CELF2: variants seen among roughly 807,000 people sequenced by gnomAD.
CELF2 encodes the protein CUG triplet repeat RNA-binding protein 2.
Under a neutral mutation model 62.6 loss-of-function variants are expected in CELF2, and 8 were observed. The ratio of observed to expected loss-of-function variants is 0.13; its 90% CI spans 0.07 to 0.23. CELF2 has a LOEUF of 0.23. Ranked by LOEUF, CELF2 falls within the 10% of genes least tolerant of loss-of-function variation. The probability of loss-of-function intolerance (pLI) is 1.00; values close to 1 mark genes in which losing one functional copy is unlikely to be tolerated. For missense variants in CELF2, 333 were observed against 671.0 expected (o/e 0.50, Z 5.56); for synonymous variants, 258 against 250.0 (o/e 1.03, Z -0.30).
chr10:11,033,767 A>G (rs2060517590), intron 1 of CELF2, among the ~76,000 whole-genome samples: 1 of 152,216 alleles, frequency 6.6e-6, no homozygotes, highest in Non-Finnish European at 1.5e-5. Context: ...TAGTGTTGTA[A>G]ATACAGTGTG....
rs2056146466 is a variant in CELF2 at position 11,010,005 on chromosome 10, A to G, written c.53+4565A>G. ...CTAGCCTGGGCACAGTTGTGCCTTT[A>G]TGCGGAAATTGATGAGTTGCTTTTC... On this transcript the variant is annotated intron_variant, in intron 1 of 12. Coordinates refer to the CELF2 transcript ENST00000416382. This position sits in a 1 kb window ranked among gnomAD's most constrained non-coding sequence, Gnocchi z 4.1. 6.6e-6 allele frequency among the ~76,000 whole-genome samples: 1 copy of G among 152,164 alleles called. No individual in the cohort carries two copies. Among genetic ancestry groups the G allele is most frequent in the Admixed American group, 6.5e-5 (1 of 15,282 alleles).
the CELF2 span, among the ~76,000 whole-genome samples, chr10:10,524,641 C>A: frequency 6.6e-6 from 1 of 151,924 alleles, no homozygotes; most frequent in Non-Finnish European, 1.5e-5. Flanking sequence ...CTCTCCAATA[C>A]CTTCAAGAAT....
chr10:10,506,269 C>CGTGT, the CELF2 span, among the ~76,000 whole-genome samples: 36,708 of 146,544 alleles, frequency 0.25, 5,125 homozygotes, highest in Non-Finnish European at 0.33. Flanking sequence ...AGATGCACTT[C>CGTGT]GTGTGTGTGT....
At chr10:11,194,689 A>T (rs144250766) in intron 2 of CELF2, among the ~76,000 whole-genome samples, 1 of 152,200 alleles carries the variant, frequency 6.6e-6, no homozygotes, top group Admixed American at 6.5e-5. Context: ...ATATTCGGCT[A>T]TTTTACTGTG....
At chr10:10,857,649 G>GTTTATATATATATATATATATATA (rs1554855649) in intron 1 of CELF2, among the ~76,000 whole-genome samples, 5 of 94,258 alleles carry the variant, frequency 5.3e-5, no homozygotes, top group African/African-American at 1.9e-4. Flanking sequence ...CATATATATA[G>GTTTATATATATATATATATATATA]TATATATATA....
intron 9 of CELF2, among the ~76,000 whole-genome samples, chr10:11,310,726 C>T (rs564647580): frequency 1.6e-4 from 24 of 151,826 alleles, no homozygotes; most frequent in African/African-American, 5.3e-4. Flanking sequence ...AGACTGGCAT[C>T]GGATGCAGTC....
chr10:10,604,097 C>G, the CELF2 span, among the ~76,000 whole-genome samples: 1 of 152,104 alleles, frequency 6.6e-6, no homozygotes, highest in Non-Finnish European at 1.5e-5. Context: ...GTAGTCCCCA[C>G]TACTAGGGAG....
chr10:11,038,752 G>T (rs988951823), intron 1 of CELF2, among the ~76,000 whole-genome samples: 2 of 152,152 alleles, frequency 1.3e-5, no homozygotes, highest in Admixed American at 1.3e-4. Flanking sequence ...TTTAAATGGT[G>T]CTCTAACATT....
At chr10:10,522,295 A>C in the CELF2 span, among the ~76,000 whole-genome samples, 1 of 152,188 alleles carries the variant, frequency 6.6e-6, no homozygotes, top group Non-Finnish European at 1.5e-5. Flanking sequence ...CCATTCATCC[A>C]ACCAACATTA....
At chr10:10,767,598 G>C in the CELF2 span, among the ~76,000 whole-genome samples, 1 of 152,186 alleles carries the variant, frequency 6.6e-6, no homozygotes, top group Non-Finnish European at 1.5e-5. Context: ...ACCAATGCTT[G>C]GTATGCAGTG....
At position 11,328,585 on chromosome 10, in the gene CELF2, GGA is replaced by G. The variant is rs372947720; in HGVS notation, c.1439-336_1439-335del. Among the ~76,000 whole-genome samples the G allele has an allele frequency of 1.8e-3, 281 of 152,334 alleles. No homozygotes were observed. Among genetic ancestry groups the G allele is most frequent in the African/African-American group, 6.5e-3 (269 of 41,574 alleles). On this transcript the variant is annotated intron_variant, in intron 12 of 12. Coordinates refer to ENST00000633077, the MANE Select transcript of CELF2 (RefSeq NM_001326342.2). The surrounding 1 kb of genome is among the most constrained non-coding windows in gnomAD (Gnocchi z 6.4). ...GCATGTATGGACCTGGGGTTCTTTT[GGA>G]GAGATACTAAAGGACTTGAAACACA...
the CELF2 span, among the ~76,000 whole-genome samples, chr10:10,576,532 G>A: frequency 1.3e-5 from 2 of 152,094 alleles, no homozygotes; most frequent in East Asian, 1.9e-4. Context: ...TTAAGAACCC[G>A]ATGGTACCAC....
chr10:11,181,188 C>T (rs138167818), intron 2 of CELF2, among the ~76,000 whole-genome samples: 7 of 152,070 alleles, frequency 4.6e-5, no homozygotes, highest in African/African-American at 1.4e-4. Flanking sequence ...GAATTTAAAC[C>T]TAAATATTTT....
chr10:11,299,463 C>A (rs1174228177), intron 9 of CELF2, among the ~76,000 whole-genome samples: 2 of 152,100 alleles, frequency 1.3e-5, no homozygotes, highest in African/African-American at 4.8e-5. Flanking sequence ...GCCCCCCAAC[C>A]CCCCCCAGGA....
intron 2 of CELF2, among the ~76,000 whole-genome samples, chr10:10,955,472 G>A (rs765859542): frequency 1.3e-5 from 2 of 152,214 alleles, no homozygotes; most frequent in African/African-American, 2.4e-5. Context: ...CTCCTTGAGT[G>A]AGCCCGAAAC....
At chr10:10,964,654 T>C (rs182520820) in intron 2 of CELF2, among the ~76,000 whole-genome samples, 3 of 152,362 alleles carry the variant, frequency 2.0e-5, no homozygotes, top group African/African-American at 7.2e-5. Flanking sequence ...CATTTTCAGA[T>C]ACATCTACAG....
intron 1 of CELF2, among the ~76,000 whole-genome samples, chr10:11,106,813 A>C (rs917360174): frequency 1.3e-5 from 2 of 152,224 alleles, no homozygotes; most frequent in East Asian, 3.9e-4. Context: ...CACACCCAGC[A>C]TGGGATTCTG....
chr10:10,878,735 T>G (rs2061265538), intron 1 of CELF2, among the ~76,000 whole-genome samples: 1 of 152,140 alleles, frequency 6.6e-6, no homozygotes, highest in African/African-American at 2.4e-5. Flanking sequence ...CAATTCAAAT[T>G]GAGATCACAT....
intron 1 of CELF2, among the ~76,000 whole-genome samples, chr10:11,136,562 C>A (rs891952043): frequency 6.6e-6 from 1 of 152,224 alleles, no homozygotes; most frequent in South Asian, 2.1e-4. Context: ...TGAGATTGCT[C>A]CACTGCATTC....
Sources: allele counts gnomAD v4.1 joint callset (sites outside exome capture counted in the v4.1 genomes callset), GRCh38; gene constraint gnomAD v4.1.1; non-coding constraint Gnocchi (gnomAD v3.1); transcripts MANE v1.5; gene names NCBI Gene and HGNC (gene_info 2026-07-23, HGNC 2026-07-21).